Variants in NCOA7 observed in about 807,000 individuals in gnomAD.
The protein encoded by NCOA7 is 140 kDa estrogen receptor-associated protein.
In NCOA7, 45 loss-of-function variants were observed where a neutral mutation model predicts 104.3. The observed-to-expected ratio is 0.43, with a 90% CI of 0.34 to 0.55. The LOEUF (loss-of-function observed/expected upper bound fraction) is 0.55, where lower values mean the gene tolerates loss of function less well. Ranked by LOEUF, NCOA7 falls within the 20% of genes least tolerant of loss-of-function variation. NCOA7 has a pLI of 0.02. For missense variants in NCOA7, 1,041 were observed against 1,119.7 expected (o/e 0.93, Z 1.00); for synonymous variants, 398 against 402.3 (o/e 0.99, Z 0.13).
At position 125,927,773 on chromosome 6, in the gene NCOA7, G is replaced by A; in HGVS notation, c.2619+15G>A. 6.3e-7 allele frequency: 1 copy of A among 1,584,738 alleles called. No homozygotes were observed. On this transcript the variant is annotated intron_variant, in intron 14 of 15. Transcript: ENST00000392477. ...CTCATTTTAAGGTACCTAGATAGGA[G>A]AAATATCCAACTCCCATATGTCACA... is the stretch of plus-strand genomic sequence containing the variant.
intron 8 of NCOA7, 91 bp from the exon 9 acceptor site, chr6:125,888,848 G>A: frequency 2.2e-6 from 2 of 890,640 alleles, no homozygotes; most frequent in Non-Finnish European, 1.7e-6. Context: ...GTTTTTGGTT[G>A]AGTTTCTGTT....
At chr6:125,895,275 G>A (rs1209521264) in intron 10 of NCOA7, among the ~76,000 whole-genome samples, 3 of 152,152 alleles carry the variant, frequency 2.0e-5, no homozygotes, top group Non-Finnish European at 4.4e-5. Context: ...ATGCATAAAT[G>A]TTTAATCCAA....
chr6:125,871,691 A>C (rs1782922740), intron 3 of NCOA7, among the ~76,000 whole-genome samples: 1 of 152,146 alleles, frequency 6.6e-6, no homozygotes, highest in Admixed American at 6.5e-5. Context: ...TGGAAGGTTT[A>C]TTCAACTATA....
At chr6:125,913,007 A>T (rs1395149572) in intron 10 of NCOA7, among the ~76,000 whole-genome samples, 1 of 152,212 alleles carries the variant, frequency 6.6e-6, no homozygotes, top group Non-Finnish European at 1.5e-5. Context: ...AAAATAATTT[A>T]AAGATAGATA....
At chr6:125,808,687 C>G (rs1776685638) in intron 1 of NCOA7, among the ~76,000 whole-genome samples, 1 of 152,192 alleles carries the variant, frequency 6.6e-6, no homozygotes, top group Non-Finnish European at 1.5e-5. Context: ...CCTTTCTAAA[C>G]TAAAATGCAT....
At chr6:125,928,273 C>G in intron 15 of NCOA7, 26 bp downstream of exon 15, 1 of 1,587,882 alleles carries the variant, frequency 6.3e-7, no homozygotes, top group African/African-American at 1.4e-5. Context: ...TTTTTGTTTT[C>G]TTATTGTTAT....
At chr6:125,904,013 G>A (rs1785743447) in intron 10 of NCOA7, among the ~76,000 whole-genome samples, 2 of 152,074 alleles carry the variant, frequency 1.3e-5, no homozygotes, top group Admixed American at 1.3e-4. Context: ...AAGTACATAT[G>A]TAAGTATTAA....
intron 10 of NCOA7, among the ~76,000 whole-genome samples, chr6:125,903,326 C>T (rs191587003): frequency 2.0e-3 from 312 of 152,292 alleles, no homozygotes; most frequent in African/African-American, 7.1e-3. Flanking sequence ...GGGGTCTGGC[C>T]TTGACCATCT....
At chr6:125,830,727 A>G (rs1562854329) in intron 2 of NCOA7, among the ~76,000 whole-genome samples, 6 of 121,896 alleles carry the variant, frequency 4.9e-5, no homozygotes, top group Non-Finnish European at 9.4e-5. Flanking sequence ...TATTTTATAT[A>G]TATATATATA....
intron 13 of NCOA7, among the ~76,000 whole-genome samples, chr6:125,923,176 A>C (rs1354374469): frequency 6.6e-6 from 1 of 152,202 alleles, no homozygotes; most frequent in Non-Finnish European, 1.5e-5. Flanking sequence ...GGGTGGAGTG[A>C]GATCTGGATT....
chr6:125,904,902 G>A (rs536399290), intron 10 of NCOA7, among the ~76,000 whole-genome samples: 8 of 152,324 alleles, frequency 5.3e-5, no homozygotes, highest in African/African-American at 1.9e-4. Context: ...GGACGGCTCT[G>A]CTTTCTCCTT....
At chr6:125,795,765 C>G (rs1775260139) in intron 1 of NCOA7, among the ~76,000 whole-genome samples, 1 of 152,166 alleles carries the variant, frequency 6.6e-6, no homozygotes, top group South Asian at 2.1e-4. Context: ...CTGAGAGATT[C>G]ATCTCCTGTC....
chr6:125,824,845 G>A (rs997192532), intron 2 of NCOA7, among the ~76,000 whole-genome samples: 6 of 151,928 alleles, frequency 3.9e-5, no homozygotes, highest in South Asian at 2.1e-4. Flanking sequence ...TGCAAGCTCC[G>A]CCTCCCGGGT....
At chr6:125,790,327 G>C (rs897369633), upstream of NCOA7, among the ~76,000 whole-genome samples, 2 of 152,242 alleles carry the variant, frequency 1.3e-5, no homozygotes, top group African/African-American at 4.8e-5. Context: ...GAAGAGTAGG[G>C]GCCAGGCGGG....
intron 2 of NCOA7, among the ~76,000 whole-genome samples, chr6:125,841,577 A>G (rs980712509): frequency 6.6e-6 from 1 of 152,016 alleles, no homozygotes; most frequent in African/African-American, 2.4e-5. Flanking sequence ...GGTCATTGTC[A>G]TGGAAATGCA....
At chr6:125,911,985 A>T (rs979490413) in intron 10 of NCOA7, among the ~76,000 whole-genome samples, 1 of 152,232 alleles carries the variant, frequency 6.6e-6, no homozygotes, top group South Asian at 2.1e-4. Context: ...TTGCTGAAAC[A>T]TTCGTTAACT....
At chr6:125,795,219 C>T (rs916155778) in intron 1 of NCOA7, among the ~76,000 whole-genome samples, 1 of 152,092 alleles carries the variant, frequency 6.6e-6, no homozygotes, top group South Asian at 2.1e-4. Context: ...TAGCCTTTGG[C>T]ATAAAAATGA....
chr6:125,815,439 T>C, intron 2 of NCOA7, 35 bp downstream of exon 2: 1 of 1,563,290 alleles, frequency 6.4e-7, no homozygotes, highest in Non-Finnish European at 8.7e-7. Flanking sequence ...TTATCAGTAC[T>C]TTAAAGAAAT....
chr6:125,791,285 C>T (rs778885746), intron 1 of NCOA7, among the ~76,000 whole-genome samples: 5 of 152,242 alleles, frequency 3.3e-5, no homozygotes, highest in Admixed American at 6.5e-5. Context: ...GAGAGATTGA[C>T]CCTTCCCCGC....
Sources: gnomAD v4.1 joint callset for allele counts (sites outside exome capture counted in the v4.1 genomes callset) on GRCh38, gnomAD v4.1.1 for gene constraint, MANE v1.5 for transcripts, NCBI Gene and HGNC (gene_info 2026-07-23, HGNC 2026-07-21) for gene names.